The following PSD3 variants were observed in gnomAD, a reference collection of about 807,000 sequenced individuals.
PSD3 encodes the protein PH and SEC7 domain-containing protein 3.
In PSD3, 49 loss-of-function variants were observed where a neutral mutation model predicts 105.5. That is an observed-to-expected ratio of 0.46 (90% CI 0.37 to 0.59). The LOEUF is 0.59. PSD3 is among the 20% of genes least tolerant of loss of function. The pLI, the probability that PSD3 is intolerant of heterozygous loss-of-function variation, is 0.00. For missense variants in PSD3, 1,561 were observed against 1,263.8 expected, an observed-to-expected ratio of 1.24 and a Z score of -3.57; for synonymous variants, 557 against 457.8, an observed-to-expected ratio of 1.22 and a Z score of -2.77.
intron 4 of PSD3, among the ~76,000 whole-genome samples, chr8:18,853,891 C>G (rs185365204): frequency 4.6e-4 from 70 of 152,244 alleles, no homozygotes; most frequent in African/African-American, 1.7e-3. Context: ...ACATTGTAGA[C>G]CCTGTAATAA....
chr8:18,782,863 G>A (rs550369894), intron 8 of PSD3, among the ~76,000 whole-genome samples: 14 of 152,324 alleles, frequency 9.2e-5, no homozygotes, highest in East Asian at 1.9e-4. Context: ...GCACATGGCC[G>A]TAGGCAGGGC....
chr8:19,015,854 C>T (rs781028479), upstream of PSD3, among the ~76,000 whole-genome samples: 1 of 152,182 alleles, frequency 6.6e-6, no homozygotes, highest in Non-Finnish European at 1.5e-5. Flanking sequence ...TTCCAATTTC[C>T]ATCGCAAAGG....
At chr8:18,849,957 C>A (rs1815433428) in intron 4 of PSD3, among the ~76,000 whole-genome samples, 1 of 152,244 alleles carries the variant, frequency 6.6e-6, no homozygotes, top group African/African-American at 2.4e-5. Context: ...GGTTAATCAG[C>A]TGCAGAGACA....
intron 2 of PSD3, among the ~76,000 whole-genome samples, chr8:18,932,297 T>C (rs1821802443): frequency 2.0e-5 from 3 of 152,312 alleles, no homozygotes; most frequent in African/African-American, 7.2e-5. Flanking sequence ...CATCAGCACT[T>C]TGCATTCAGT....
Position 18,535,680 on chromosome 8 carries a change from C to T in PSD3, c.*63G>A, listed in dbSNP as rs1585189769. On this transcript the variant is annotated 3_prime_UTR_variant, in exon 16 of 16. Transcript: ENST00000327040. ...TTTTTTAAATATATTCACGGATTAC[C>T]AGAAAGATCTTGAAAAACCCTATTT... The T allele has an allele frequency of 1.0e-5, 14 of 1,346,822 alleles. No individual in the cohort carries two copies. In the East Asian group the frequency reaches 3.0e-4, roughly 29 times the overall value. The allele number at this position is 1,346,822 out of a possible 1,614,324, so 83.4% of individuals were successfully genotyped here. A position where few individuals can be genotyped will look rare whatever the true frequency, so the allele number is the denominator to read the frequency against.
chr8:18,648,506 G>A (rs1387862081), intron 10 of PSD3, among the ~76,000 whole-genome samples: 1 of 152,230 alleles, frequency 6.6e-6, no homozygotes, highest in Non-Finnish European at 1.5e-5. Flanking sequence ...TAACCTGGCT[G>A]CTTCTAACAA....
At chr8:18,844,079 C>T (rs899018022) in intron 4 of PSD3, among the ~76,000 whole-genome samples, 82 of 152,082 alleles carry the variant, frequency 5.4e-4, no homozygotes, top group Non-Finnish European at 4.9e-4. Context: ...CAGCAGCTGG[C>T]TCTATGGGGT....
At position 18,893,264 on chromosome 8, in the gene PSD3, G is replaced by A. The variant is rs1818929008; in HGVS notation, c.131-20531C>T. On this transcript the variant is annotated intron_variant, in intron 2 of 15. Transcript: ENST00000327040. ...GAAGCAAACAGAGGGATGGGCTTAA[G>A]GGGCTGACCTGAGGGGGTTTATATA... Among the ~76,000 whole-genome samples, 3 of 152,120 alleles carry A rather than the reference G, an allele frequency of 2.0e-5. No individual in the cohort carries two copies. In the South Asian group the frequency reaches 6.2e-4, roughly 31 times the overall value.
chr8:18,550,707 C>T (rs551870546), intron 15 of PSD3, among the ~76,000 whole-genome samples: 1 of 152,226 alleles, frequency 6.6e-6, no homozygotes, highest in East Asian at 1.9e-4. Flanking sequence ...GTACTGAAAG[C>T]ATACCACTTT....
chr8:18,791,726 A>C (rs564116257), intron 8 of PSD3, among the ~76,000 whole-genome samples: 1 of 152,248 alleles, frequency 6.6e-6, no homozygotes, highest in African/African-American at 2.4e-5. Flanking sequence ...AAAATTGACA[A>C]ACGGGATCCA....
At position 18,844,345 on chromosome 8, in the gene PSD3, A is replaced by G. The variant is rs367878163; in HGVS notation, c.1634+23329T>C. 7.7e-4 allele frequency among the ~76,000 whole-genome samples: 117 copies of G among 151,760 alleles called. 2 individuals carry two copies. The South Asian group carries it at 0.024, about 31-fold the overall frequency. The stretch of plus-strand genomic sequence containing the variant: ...CCCTGTTGTATTTCATTAATATATA[A>G]ATAATTTAAGATAGACACTTATACC... On this transcript the variant is annotated intron_variant, in intron 4 of 15. Coordinates refer to ENST00000327040, the MANE Select transcript of PSD3 (RefSeq NM_015310.4).
intron 2 of PSD3, among the ~76,000 whole-genome samples, chr8:18,911,984 C>A (rs1820253676): frequency 6.6e-6 from 1 of 152,144 alleles, no homozygotes. Flanking sequence ...GGACCTTTCA[C>A]ATTAGTCTTT....
At chr8:18,721,482 T>C (rs913671738) in intron 9 of PSD3, among the ~76,000 whole-genome samples, 1 of 152,226 alleles carries the variant, frequency 6.6e-6, no homozygotes, top group Non-Finnish European at 1.5e-5. Context: ...GCTGGGACCA[T>C]TAAAGCCTTA....
chr8:18,799,148 T>G, intron 8 of PSD3, 147 bp downstream of exon 8: 1 of 709,964 alleles, frequency 1.4e-6, no homozygotes, highest in African/African-American at 1.8e-5. Context: ...AAATTATTTC[T>G]TTTTTCAAAG....
chr8:18,655,635 C>T lies in PSD3; in HGVS notation c.2216+7G>A. On this transcript the variant is annotated splice_region_variant and intron_variant, in intron 10 of 15. Transcript: ENST00000327040. ...ATTATTAAAAGGCTGACGTCCAGCA[C>T]ACTTACACTGCCCATTCAAGCTTCT... 6.2e-7 allele frequency: 1 copy of T among 1,613,572 alleles called. No individual in the cohort carries two copies. Among genetic ancestry groups the T allele is most frequent in the African/African-American group, 1.3e-5 (1 of 75,036 alleles).
intron 4 of PSD3, among the ~76,000 whole-genome samples, chr8:18,805,462 G>T (rs902664588): frequency 2.6e-5 from 4 of 152,024 alleles, no homozygotes; most frequent in Non-Finnish European, 5.9e-5. Context: ...TTGGAAAAAA[G>T]AAATATTTTA....
At chr8:18,566,825 G>A (rs1191880586) in intron 14 of PSD3, among the ~76,000 whole-genome samples, 2 of 152,108 alleles carry the variant, frequency 1.3e-5, no homozygotes, top group African/African-American at 2.4e-5. Context: ...TGTCCAAAAT[G>A]AAGGAAAACA....
intron 8 of PSD3, among the ~76,000 whole-genome samples, chr8:18,777,218 T>G (rs990926093): frequency 4.8e-4 from 73 of 152,038 alleles, no homozygotes; most frequent in Non-Finnish European, 1.5e-4. Flanking sequence ...AATTTTTCTA[T>G]TTTTAGTAGA....
At chr8:18,835,343 C>T (rs935651058) in intron 4 of PSD3, among the ~76,000 whole-genome samples, 2 of 152,148 alleles carry the variant, frequency 1.3e-5, no homozygotes, top group Non-Finnish European at 2.9e-5. Flanking sequence ...ACCTTTTTGA[C>T]TTTTACAGAT....
Sources: gnomAD v4.1 joint callset for allele counts (sites outside exome capture counted in the v4.1 genomes callset) on GRCh38, gnomAD v4.1.1 for gene constraint, MANE v1.5 for transcripts, NCBI Gene and HGNC (gene_info 2026-07-23, HGNC 2026-07-21) for gene names.